The following PTPRN2 variants were observed in gnomAD, a reference collection of about 807,000 sequenced individuals.
The protein encoded by PTPRN2 is receptor-type tyrosine-protein phosphatase N2.
PTPRN2 carries 74 observed loss-of-function variants against 118.8 expected under a neutral mutation model. That is an observed-to-expected ratio of 0.62 (90% CI 0.52 to 0.76). PTPRN2 has a LOEUF of 0.76. Ranked by LOEUF, PTPRN2 falls within the 30% of genes least tolerant of loss-of-function variation. PTPRN2 has a pLI of 0.00. For synonymous variants in PTPRN2, 641 were observed against 608.0 expected (o/e 1.05, Z -0.80); for missense variants, 1,481 against 1,394.4 (o/e 1.06, Z -0.99).
chr7:157,782,445 A>G (rs547626938), intron 12 of PTPRN2, among the ~76,000 whole-genome samples: 2 of 152,272 alleles, frequency 1.3e-5, no homozygotes, highest in South Asian at 4.1e-4. Context: ...TAGGAGCTGC[A>G]GCCCGCCCTC....
At chr7:158,300,399 G>T (rs1262419390) in intron 3 of PTPRN2, among the ~76,000 whole-genome samples, 2 of 152,106 alleles carry the variant, frequency 1.3e-5, no homozygotes, top group East Asian at 3.9e-4. Flanking sequence ...CCAGGGGCCT[G>T]TGTGCAGAAA....
At position 158,241,304 on chromosome 7, in the gene PTPRN2, T is replaced by G. The variant is rs372108109; in HGVS notation, c.278-36031A>C. ...GCCAAGGGGGAGGATCACCTGAGGTTAGGAGTTCAAGACCAGCCTGGCCAA... is the reference window on the plus strand; with the variant it reads ...GCCAAGGGGGAGGATCACCTGAGGTGAGGAGTTCAAGACCAGCCTGGCCAA... On this transcript the variant is annotated intron_variant, in intron 3 of 22. Transcript: ENST00000389418. Among the ~76,000 whole-genome samples, 4 of 152,082 alleles carry G rather than the reference T, an allele frequency of 2.6e-5. No individual in the cohort carries two copies. In the South Asian group the frequency reaches 8.3e-4, roughly 32 times the overall value.
At chr7:158,553,944 A>G (rs1281008187) in intron 1 of PTPRN2, among the ~76,000 whole-genome samples, 1 of 151,998 alleles carries the variant, frequency 6.6e-6, no homozygotes, top group Non-Finnish European at 1.5e-5. Flanking sequence ...AAACACACAC[A>G]GGCTTGGGAG....
At chr7:158,554,716 C>T (rs1826863078) in intron 1 of PTPRN2, among the ~76,000 whole-genome samples, 3 of 152,304 alleles carry the variant, frequency 2.0e-5, no homozygotes, top group African/African-American at 7.2e-5. Flanking sequence ...TTCTTCGGCC[C>T]ATGCCTGCTG....
Position 157,603,547 on chromosome 7 carries a change from C to G in PTPRN2, c.2418+455G>C, listed in dbSNP as rs1252613872. Among the ~76,000 whole-genome samples the G allele has an allele frequency of 6.6e-6, 1 of 152,198 alleles. No individual in the cohort carries two copies. The highest frequency in any genetic ancestry group is 1.5e-5 in the Non-Finnish European group (1 of 68,044). ...TTCATAAGAAACAGGGTCCCATTCA[C>G]TGGAAATACTTCAGGAAAACGAACC... On this transcript the variant is annotated intron_variant, in intron 16 of 22. Coordinates refer to ENST00000389418, the MANE Select transcript of PTPRN2 (RefSeq NM_002847.5). The surrounding 1 kb of genome is among the most constrained non-coding windows in gnomAD (Gnocchi z 5.4).
At chr7:157,566,989 AG>A (rs1399020837) in intron 21 of PTPRN2, among the ~76,000 whole-genome samples, 1 of 152,262 alleles carries the variant, frequency 6.6e-6, no homozygotes, top group Non-Finnish European at 1.5e-5. Context: ...AGGCTTGGTC[AG>A]AAACACTTAC....
intron 12 of PTPRN2, among the ~76,000 whole-genome samples, chr7:157,796,816 AACTC>A (rs1328459305): frequency 1.3e-5 from 2 of 152,074 alleles, no homozygotes; most frequent in Admixed American, 1.3e-4. Context: ...GGTCTCAGAA[AACTC>A]ACTATCATGA....
chr7:157,668,805 T>C (rs1160810510), intron 13 of PTPRN2, among the ~76,000 whole-genome samples: 1 of 152,156 alleles, frequency 6.6e-6, no homozygotes, highest in Non-Finnish European at 1.5e-5. Flanking sequence ...AGGTGAAATG[T>C]TGAGAAAGCG....
intron 5 of PTPRN2, among the ~76,000 whole-genome samples, chr7:158,169,220 T>C (rs915800779): frequency 2.6e-5 from 4 of 152,034 alleles, no homozygotes; most frequent in Non-Finnish European, 5.9e-5. Flanking sequence ...GGGAAGTGGG[T>C]TGATAGAGGT....
At chr7:158,342,243 G>C (rs1807020530) in intron 2 of PTPRN2, among the ~76,000 whole-genome samples, 1 of 123,464 alleles carries the variant, frequency 8.1e-6, no homozygotes, top group Non-Finnish European at 1.6e-5. Context: ...CACCATAAGA[G>C]CTGACGCCCG....
intron 2 of PTPRN2, among the ~76,000 whole-genome samples, chr7:158,481,235 T>C (rs1820619399): frequency 6.6e-6 from 1 of 152,258 alleles, no homozygotes; most frequent in Non-Finnish European, 1.5e-5. Context: ...GGAACAAAGC[T>C]GGATGACAGC....
chr7:157,840,804 C>T (rs1198495148), intron 12 of PTPRN2, among the ~76,000 whole-genome samples: 1 of 152,240 alleles, frequency 6.6e-6, no homozygotes, highest in Non-Finnish European at 1.5e-5. Context: ...TGGTCTCAGG[C>T]CACAGGACCC....
chr7:158,245,212 T>TCATGCCGGAACCCATGGC (rs1257592176), intron 3 of PTPRN2, among the ~76,000 whole-genome samples: 1 of 40,716 alleles, frequency 2.5e-5, no homozygotes, highest in Non-Finnish European at 5.3e-5. Context: ...GAATCCACGG[T>TCATGCCGGAACCCATGGC]CATGCCGGAA....
At chr7:158,112,162 C>T (rs761905556) in intron 9 of PTPRN2, among the ~76,000 whole-genome samples, 37 of 152,104 alleles carry the variant, frequency 2.4e-4, no homozygotes, top group Non-Finnish European at 4.0e-4. Context: ...TGGAAGTGTG[C>T]GCCAGCAGCC....
chr7:158,150,769 C>T (rs1820925989), intron 6 of PTPRN2, among the ~76,000 whole-genome samples: 1 of 151,914 alleles, frequency 6.6e-6, no homozygotes, highest in Non-Finnish European at 1.5e-5. Context: ...CGCTGCGTAT[C>T]TGCAGCACCG....
At chr7:158,170,756 T>TG (rs1823467557) in intron 5 of PTPRN2, among the ~76,000 whole-genome samples, 6 of 152,154 alleles carry the variant, frequency 3.9e-5, no homozygotes, top group Non-Finnish European at 8.8e-5. Context: ...GACTGGCTCT[T>TG]TCACGGTTTG....
intron 2 of PTPRN2, among the ~76,000 whole-genome samples, chr7:158,441,895 G>A (rs995698431): frequency 7.0e-6 from 1 of 142,508 alleles, no homozygotes; most frequent in African/African-American, 2.7e-5. Flanking sequence ...TGATAGTGAT[G>A]GTCATGGCAG....
chr7:158,010,745 A>C (rs1373327260), intron 11 of PTPRN2, among the ~76,000 whole-genome samples: 2 of 152,270 alleles, frequency 1.3e-5, no homozygotes, highest in Non-Finnish European at 2.9e-5. Flanking sequence ...TTTTTTAAAA[A>C]AGTATTGTTT....
intron 11 of PTPRN2, among the ~76,000 whole-genome samples, chr7:158,038,472 G>A (rs1808230588): frequency 6.6e-6 from 1 of 152,010 alleles, no homozygotes; most frequent in South Asian, 2.1e-4. Context: ...AGAGAAAGAT[G>A]CCATGATGAA....
Sources: allele counts gnomAD v4.1 joint callset (sites outside exome capture counted in the v4.1 genomes callset), GRCh38; gene constraint gnomAD v4.1.1; non-coding constraint Gnocchi (gnomAD v3.1); transcripts MANE v1.5; gene names NCBI Gene and HGNC (gene_info 2026-07-23, HGNC 2026-07-21).